The following SPEF2 variants were observed in gnomAD, a reference collection of about 807,000 sequenced individuals.
SPEF2 encodes sperm flagella and cilia-associated protein 2.
A neutral mutation model predicts 224.6 loss-of-function variants in SPEF2; 187 were observed. That is an observed-to-expected ratio of 0.83 (90% confidence interval 0.74 to 0.94). SPEF2 has a LOEUF of 0.94. SPEF2 is among the 40% of genes least tolerant of loss of function. The pLI, the probability that SPEF2 is intolerant of heterozygous loss-of-function variation, is 0.00. For missense variants in SPEF2, 2,170 were observed against 2,135.6 expected (o/e 1.02, Z -0.32); for synonymous variants, 715 against 707.3 (o/e 1.01, Z -0.17).
At chr5:35,704,801 T>G in intron 17 of SPEF2, 139 bp downstream of exon 17, 1 of 623,094 alleles carries the variant, frequency 1.6e-6, no homozygotes, top group East Asian at 3.0e-5. Context: ...ACTAAGTAGT[T>G]TTGACAATAA....
intron 4 of SPEF2, among the ~76,000 whole-genome samples, chr5:35,645,794 G>T (rs1221367869): frequency 6.6e-6 from 1 of 152,100 alleles, no homozygotes; most frequent in Non-Finnish European, 1.5e-5. Flanking sequence ...GCAAAAGGAA[G>T]ACTCTGTGTC....
chr5:35,629,342 A>G (rs374253144), intron 2 of SPEF2, among the ~76,000 whole-genome samples: 2 of 151,074 alleles, frequency 1.3e-5, no homozygotes, highest in African/African-American at 4.9e-5. Context: ...TTTTTTTAGT[A>G]GAGACGAGGT....
intron 8 of SPEF2, among the ~76,000 whole-genome samples, chr5:35,662,062 T>C (rs1274899103): frequency 2.6e-5 from 4 of 152,148 alleles, no homozygotes; most frequent in African/African-American, 9.7e-5. Context: ...AAGTGTTCCT[T>C]TTTCTCTACA....
chr5:35,630,291 G>A (rs1744903525), intron 2 of SPEF2, among the ~76,000 whole-genome samples: 1 of 152,120 alleles, frequency 6.6e-6, no homozygotes, highest in Non-Finnish European at 1.5e-5. Flanking sequence ...GCTCCACTAG[G>A]TAGTTCCCCA....
intron 10 of SPEF2, 141 bp downstream of exon 10, chr5:35,670,368 T>A (rs1751072621): frequency 7.1e-7 from 1 of 1,400,062 alleles, no homozygotes; most frequent in Admixed American, 3.3e-5. Context: ...TTAATTTGTA[T>A]GTTTGTACTA....
intron 2 of SPEF2, among the ~76,000 whole-genome samples, chr5:35,630,522 C>T (rs1744933975): frequency 6.6e-6 from 1 of 152,048 alleles, no homozygotes; most frequent in African/African-American, 2.4e-5. Flanking sequence ...CGGTGAAACC[C>T]CGTCTCTACT....
intron 2 of SPEF2, among the ~76,000 whole-genome samples, chr5:35,637,723 A>G (rs752022096): frequency 6.6e-6 from 1 of 152,104 alleles, no homozygotes; most frequent in Non-Finnish European, 1.5e-5. Context: ...CCTCAAGTAC[A>G]TGGCATATAA....
intron 1 of SPEF2, among the ~76,000 whole-genome samples, chr5:35,624,468 G>A (rs952981210): frequency 6.6e-6 from 1 of 152,134 alleles, no homozygotes; most frequent in Non-Finnish European, 1.5e-5. Flanking sequence ...ATAGAGGTGG[G>A]TGTCCTGAAA....
intron 8 of SPEF2, among the ~76,000 whole-genome samples, chr5:35,663,018 T>G (rs1282482456): frequency 1.3e-5 from 2 of 152,192 alleles, no homozygotes; most frequent in Non-Finnish European, 2.9e-5. Flanking sequence ...TATTACTTAT[T>G]TTAATAGTAT....
In SPEF2 at chr5:35,635,753, A is replaced by G. The variant is rs191378740; in HGVS notation, c.162-5678A>G. Among the ~76,000 whole-genome samples the G allele has an allele frequency of 4.9e-4, 74 of 152,280 alleles. 1 individual carries two copies. Among genetic ancestry groups the G allele is most frequent in the African/African-American group, 1.6e-3 (68 of 41,566 alleles). On this transcript the variant is annotated intron_variant, in intron 2 of 36. Transcript: ENST00000356031. ...AAATAACTCCAAGAACAGTCTTTATATTTTATTTTCACATTGAAAATTCGT... is the reference window on the plus strand; with the variant it reads ...AAATAACTCCAAGAACAGTCTTTATGTTTTATTTTCACATTGAAAATTCGT...
At chr5:35,793,019 C>A in intron 31 of SPEF2, 140 bp from the exon 32 acceptor site, 1 of 743,616 alleles carries the variant, frequency 1.3e-6, no homozygotes, top group Non-Finnish European at 2.1e-6. Context: ...ATAAAGGAAA[C>A]AAAAGTCAGA....
chr5:35,802,531 A>T (rs1447244748), intron 34 of SPEF2, among the ~76,000 whole-genome samples: 1 of 152,194 alleles, frequency 6.6e-6, no homozygotes, highest in Non-Finnish European at 1.5e-5. Flanking sequence ...ATGGAAAAAA[A>T]AAAGAATGCA....
In SPEF2 at chr5:35,806,824, A is replaced by T. The variant is rs770259876; in HGVS notation, c.5128A>T (p.Ile1710Phe). The change falls in exon 35 of 37, where the codon ATC becomes TTC. Residue 1710 changes from isoleucine (I) to phenylalanine (F), a missense_variant. Ile to Phe is a conservative substitution (Grantham distance 21). Transcript: ENST00000356031. ...TEKREQKDEEIPENANNEKMS... is the reference protein window; with the variant it reads ...TEKREQKDEEFPENANNEKMS... Reference sequence around the variant, plus strand: ...GAAAAGGGAACAGAAGGATGAAGAAATCCCTGAAAATGCAAACAATGAAAA... The same window carrying T: ...GAAAAGGGAACAGAAGGATGAAGAATTCCCTGAAAATGCAAACAATGAAAA... 2.5e-6 allele frequency: 4 copies of T among 1,614,094 alleles called. No individual in the cohort carries two copies. The South Asian group carries it at 4.4e-5, about 18-fold the overall frequency.
chr5:35,675,634 T>C, intron 10 of SPEF2: 1 of 176,712 alleles, frequency 5.7e-6, no homozygotes, highest in Non-Finnish European at 1.2e-5. Flanking sequence ...TCCGCCTCCC[T>C]CCCAGTAGCC....
rs1580597652 is a variant in SPEF2, at chr5:35,754,277, G to C, written c.3468+516G>C. On this transcript the variant is annotated intron_variant, in intron 24 of 36. Coordinates refer to ENST00000356031, the MANE Select transcript of SPEF2 (RefSeq NM_024867.4). ...AATTTAAAAAAATTGCACAGGGCAA[G>C]ATTAGAAGACAGGTGCTGATTTTAT... Among the ~76,000 whole-genome samples, 3 of 148,274 alleles carry C rather than the reference G, an allele frequency of 2.0e-5. No individual in the cohort carries two copies. The East Asian group carries it at 5.8e-4, about 29-fold the overall frequency.
intron 26 of SPEF2, among the ~76,000 whole-genome samples, chr5:35,766,378 G>A (rs562678542): frequency 2.0e-5 from 3 of 152,018 alleles, no homozygotes; most frequent in African/African-American, 7.2e-5. Flanking sequence ...AAAAACTTGA[G>A]TTGTTTTTGG....
At chr5:35,670,564 C>T in intron 10 of SPEF2, 3 of 995,564 alleles carry the variant, frequency 3.0e-6, no homozygotes, top group Non-Finnish European at 3.6e-6. Flanking sequence ...CTTCAAAAAC[C>T]ATTGTTAAAA....
At chr5:35,725,099 T>C (rs1744409707) in intron 20 of SPEF2, among the ~76,000 whole-genome samples, 1 of 152,198 alleles carries the variant, frequency 6.6e-6, no homozygotes, top group African/African-American at 2.4e-5. Flanking sequence ...AGAACACATG[T>C]TCAGTCTCTG....
Position 35,753,655 on chromosome 5 carries a change from A to G in SPEF2, c.3362A>G (p.Asp1121Gly). Residue 1121 changes from aspartate to glycine, a missense_variant, in exon 24 of 37, where the codon GAT becomes GGT. Coordinates refer to ENST00000356031, the MANE Select transcript of SPEF2 (RefSeq NM_024867.4). ...DLRDRLWDIC[D>G]ARKEEAEQER... ...CGAGACCGCCTGTGGGACATTTGTG[A>G]TGCCCGGAAGGAAGAGGCGGAGCAG... 1.2e-6 allele frequency: 2 copies of G among 1,614,146 alleles called. No homozygotes were observed. The highest frequency in any genetic ancestry group is 8.5e-7 in the Non-Finnish European group (1 of 1,180,010).
Sources: gnomAD v4.1 joint callset for allele counts (sites outside exome capture counted in the v4.1 genomes callset) on GRCh38, gnomAD v4.1.1 for gene constraint, MANE v1.5 for transcripts, NCBI Gene and HGNC (gene_info 2026-07-23, HGNC 2026-07-21) for gene names.